Variants in RASSF5 observed in about 807,000 individuals in gnomAD.
The protein encoded by RASSF5 is ras association domain-containing protein 5.
Under a neutral mutation model 40.5 loss-of-function variants are expected in RASSF5, and 25 were observed. The ratio of observed to expected loss-of-function variants is 0.62; its 90% CI spans 0.45 to 0.86. The LOEUF is 0.86. Ranked by LOEUF, RASSF5 falls within the 40% of genes least tolerant of loss-of-function variation. The pLI is 0.00. For missense variants in RASSF5, 521 were observed against 572.8 expected, an observed-to-expected ratio of 0.91 and a Z score of 0.92; for synonymous variants, 246 against 252.4, an observed-to-expected ratio of 0.97 and a Z score of 0.24.
In RASSF5 at chr1:206,518,342, C is replaced by G. The variant is rs567499496; in HGVS notation, c.457+10283C>G. On this transcript the variant is annotated intron_variant, in intron 1 of 5. Coordinates refer to ENST00000579436, the MANE Select transcript of RASSF5 (RefSeq NM_182663.4). The stretch of plus-strand genomic sequence containing the variant: ...AGCCCTCCCCCACCCGGCACTCCAC[C>G]CCTGACGCCAAGCCTGGAGAAAAGC... The G allele has an allele frequency of 3.0e-5, 12 of 398,390 alleles. No homozygotes were observed. The East Asian group carries it at 4.3e-4, about 14-fold the overall frequency. 24.7% of individuals were successfully genotyped at this position (398,390 alleles called of 1,614,324 possible).
At position 206,518,327 on chromosome 1, in the gene RASSF5, C is replaced by A. The variant is rs533710674; in HGVS notation, c.457+10268C>A. 94 of 397,816 alleles carry A rather than the reference C, an allele frequency of 2.4e-4. 1 individual carries two copies. The highest frequency in any genetic ancestry group is 8.8e-4 in the Admixed American group (20 of 22,714). 24.6% of individuals were successfully genotyped at this position (397,816 alleles called of 1,614,324 possible). On this transcript the variant is annotated intron_variant, in intron 1 of 5. Coordinates refer to ENST00000579436, the MANE Select transcript of RASSF5 (RefSeq NM_182663.4). ...CAGGGCCCTCCCCGGAGCCCTCCCC[C>A]ACCCGGCACTCCACCCCTGACGCCA...
At chr1:206,538,410 A>C (rs1029807960) in intron 2 of RASSF5, 117 bp downstream of exon 2, 10 of 1,348,070 alleles carry the variant, frequency 7.4e-6, no homozygotes, top group Non-Finnish European at 7.3e-6. Context: ...CAGATTCCAC[A>C]TGCACTGGAT....
chr1:206,525,263 C>T (rs1405528397), intron 1 of RASSF5, among the ~76,000 whole-genome samples: 1 of 152,138 alleles, frequency 6.6e-6, no homozygotes, highest in Non-Finnish European at 1.5e-5. Context: ...GGTGCCCCTG[C>T]AGGCCAACCA....
At chr1:206,558,946 GGT>G (rs1553402209) in intron 2 of RASSF5, among the ~76,000 whole-genome samples, 1 of 152,122 alleles carries the variant, frequency 6.6e-6, no homozygotes, top group African/African-American at 2.4e-5. Context: ...CCTCCCGTGG[GGT>G]TCTTGCCGCG....
At chr1:206,564,642 G>T in intron 2 of RASSF5, among the ~76,000 whole-genome samples, 1 of 152,094 alleles carries the variant, frequency 6.6e-6, no homozygotes, top group East Asian at 1.9e-4. Flanking sequence ...CACTTACCAG[G>T]TACCCCACAC....
In RASSF5 at chr1:206,529,342, T is replaced by C. The variant is rs370113182; in HGVS notation, c.458-8830T>C. ...GCAGGAGTTAACACCATCACCACTT[T>C]GGTGGAGAATAAGAAAGCTCAGCTG... On this transcript the variant is annotated intron_variant, in intron 1 of 5. Transcript: ENST00000579436. 1.8e-5 allele frequency: 14 copies of C among 766,444 alleles called. No homozygotes were observed. In the African/African-American group the frequency reaches 2.4e-4, roughly 13 times the overall value. 47.5% of individuals were successfully genotyped at this position (766,444 alleles called of 1,614,324 possible).
intron 2 of RASSF5, among the ~76,000 whole-genome samples, chr1:206,575,949 G>C (rs1443604374): frequency 1.3e-5 from 2 of 152,178 alleles, no homozygotes; most frequent in Admixed American, 1.3e-4. Context: ...TAGGGGTCTG[G>C]GGTGGGCTCT....
chr1:206,563,799 C>G (rs530111564), intron 2 of RASSF5, among the ~76,000 whole-genome samples: 7 of 152,302 alleles, frequency 4.6e-5, no homozygotes, highest in African/African-American at 1.7e-4. Flanking sequence ...AGGCTGGAAA[C>G]TGAAGTCTAG....
intron 2 of RASSF5, among the ~76,000 whole-genome samples, chr1:206,541,271 A>C (rs368576148): frequency 1.3e-5 from 2 of 152,180 alleles, no homozygotes; most frequent in African/African-American, 2.4e-5. Flanking sequence ...ACATTTTTAT[A>C]TGTTCTTCCT....
chr1:206,563,814 G>A (rs1461755899), intron 2 of RASSF5, among the ~76,000 whole-genome samples: 2 of 152,166 alleles, frequency 1.3e-5, no homozygotes, highest in African/African-American at 4.8e-5. Context: ...GTCTAGAGAG[G>A]GAAGAGGATT....
chr1:206,564,172 T>C (rs1382334621), intron 2 of RASSF5, among the ~76,000 whole-genome samples: 4 of 152,174 alleles, frequency 2.6e-5, no homozygotes, highest in Non-Finnish European at 5.9e-5. Flanking sequence ...AGACCCTTTT[T>C]ACTAGTTTCT....
chr1:206,543,984 C>T (rs797029481), intron 2 of RASSF5: 1 of 152,160 alleles, frequency 6.6e-6, no homozygotes, highest in African/African-American at 2.4e-5. Context: ...GATCTCCTGA[C>T]CTTGTGATCC....
intron 2 of RASSF5, among the ~76,000 whole-genome samples, chr1:206,574,001 G>T (rs1668544948): frequency 6.6e-6 from 1 of 152,226 alleles, no homozygotes; most frequent in Non-Finnish European, 1.5e-5. Context: ...TTATTTAGGG[G>T]ATTAAATGAG....
At chr1:206,519,601 T>C (rs1459790240) in intron 1 of RASSF5, among the ~76,000 whole-genome samples, 10 of 152,186 alleles carry the variant, frequency 6.6e-5, no homozygotes, top group Admixed American at 6.5e-4. Context: ...CATACTTTTC[T>C]TGGGGCCCCC....
At position 206,518,542 on chromosome 1, in the gene RASSF5, G is replaced by A. The variant is rs915574907; in HGVS notation, c.457+10483G>A. 9 of 398,546 alleles carry A rather than the reference G, an allele frequency of 2.3e-5. No homozygotes were observed. The South Asian group carries it at 6.4e-4, about 28-fold the overall frequency. The allele number at this position is 398,546 out of a possible 1,614,324, so 24.7% of individuals were successfully genotyped here. A position where few individuals can be genotyped will look rare whatever the true frequency, so the allele number is the denominator to read the frequency against. ...TTCCGCAACGGGGCCCGGAGGGCTCGGGGTAGGTCTAAGCCAATCTGACTG... is the reference window on the plus strand; with the variant it reads ...TTCCGCAACGGGGCCCGGAGGGCTCAGGGTAGGTCTAAGCCAATCTGACTG... On this transcript the variant is annotated intron_variant, in intron 1 of 5. Coordinates refer to ENST00000579436, the MANE Select transcript of RASSF5 (RefSeq NM_182663.4).
chr1:206,584,466 G>C lies in RASSF5; in HGVS notation c.770G>C (p.Arg257Pro), dbSNP rs782470099. ...RRPVTVPAGI[R>P]PQSIYDAIKE... is the part of the protein sequence containing the mutation. ...CCTGTGACGGTGCCTGCTGGGATCC[G>C]GCCCCAGTCCATCTATGATGCCATC... The change falls in exon 4 of 6, where the codon CGG becomes CCG. Residue 257 changes from arginine to proline, a missense_variant. Physicochemically the swap from Arg to Pro is moderately radical, Grantham distance 103 (BLOSUM62 -2). Around this residue, in one of 2 missense-constraint regions of RASSF5, gnomAD observed 284 missense variants for 360.8 expected, o/e 0.79. Transcript: ENST00000579436. This position sits in a 1 kb window ranked among gnomAD's most constrained non-coding sequence, Gnocchi z 4.9. 2.5e-6 allele frequency: 4 copies of C among 1,614,144 alleles called. No individual in the cohort carries two copies. Among genetic ancestry groups the C allele is most frequent in the South Asian group, 1.1e-5 (1 of 91,070 alleles).
At chr1:206,526,313 G>A (rs561216005) in intron 1 of RASSF5, among the ~76,000 whole-genome samples, 1 of 122,646 alleles carries the variant, frequency 8.2e-6, no homozygotes, top group South Asian at 2.8e-4. Context: ...GGCTGGGGTT[G>A]TGTGGAGGGA....
chr1:206,561,119 G>C (rs1235658530), intron 2 of RASSF5, among the ~76,000 whole-genome samples: 2 of 152,194 alleles, frequency 1.3e-5, no homozygotes, highest in Admixed American at 1.3e-4. Context: ...CCAGAGCATT[G>C]GGGTGAGTGC....
intron 1 of RASSF5, among the ~76,000 whole-genome samples, chr1:206,526,812 T>C (rs1255210656): frequency 6.6e-6 from 1 of 152,176 alleles, no homozygotes; most frequent in Non-Finnish European, 1.5e-5. Context: ...AGAGGGTTTT[T>C]GGCTGGCATC....
Sources: allele counts gnomAD v4.1 joint callset (sites outside exome capture counted in the v4.1 genomes callset), GRCh38; gene constraint gnomAD v4.1.1; regional missense constraint gnomAD v4.1.1; non-coding constraint Gnocchi (gnomAD v3.1); transcripts MANE v1.5; gene names NCBI Gene and HGNC (gene_info 2026-07-23, HGNC 2026-07-21).